Variants in PTDSS2 observed in about 807,000 individuals in gnomAD.
PTDSS2 encodes PSS-2.
In PTDSS2, 41 loss-of-function variants were observed where a neutral mutation model predicts 64.7. The ratio of observed to expected loss-of-function variants is 0.63; its 90% CI spans 0.49 to 0.82. PTDSS2 has a LOEUF of 0.82. Ranked by LOEUF, PTDSS2 falls within the 40% of genes least tolerant of loss-of-function variation. The pLI, the probability that PTDSS2 is intolerant of heterozygous loss-of-function variation, is 0.00. For synonymous variants in PTDSS2, 297 were observed against 277.8 expected (o/e 1.07, Z -0.69); for missense variants, 485 against 650.0 (o/e 0.75, Z 2.76).
At chr11:473,336 C>T (rs1048383929) in intron 2 of PTDSS2, among the ~76,000 whole-genome samples, 6 of 152,238 alleles carry the variant, frequency 3.9e-5, no homozygotes, top group Admixed American at 6.5e-5. Flanking sequence ...GACACAGGAG[C>T]TCTCTAGAGA....
chr11:454,698 G>A (rs529785934), intron 1 of PTDSS2, among the ~76,000 whole-genome samples: 11 of 152,136 alleles, frequency 7.2e-5, no homozygotes, highest in African/African-American at 2.2e-4. Context: ...CCAGCTGCTT[G>A]GGAGGCTGAG....
chr11:488,465 G>T (rs1417006240), intron 7 of PTDSS2, 64 bp from the exon 8 acceptor site: 1 of 1,448,020 alleles, frequency 6.9e-7, no homozygotes, highest in Non-Finnish European at 9.7e-7. Context: ...GTGCTCTTCC[G>T]GGGTCCTCCT....
chr11:452,224 C>G (rs1846364502), intron 1 of PTDSS2, among the ~76,000 whole-genome samples: 1 of 152,238 alleles, frequency 6.6e-6, no homozygotes, highest in African/African-American at 2.4e-5. Context: ...TTTGGCCGTT[C>G]AGCACATTGT....
Position 453,125 on chromosome 11 carries a change from G to A in PTDSS2, c.182+2488G>A, listed in dbSNP as rs78410433. 7.4e-3 allele frequency among the ~76,000 whole-genome samples: 1,130 copies of A among 152,278 alleles called. 11 individuals carry two copies. The highest frequency in any genetic ancestry group is 0.025 in the African/African-American group (1,049 of 41,554). On this transcript the variant is annotated intron_variant, in intron 1 of 11. Coordinates refer to ENST00000308020, the MANE Select transcript of PTDSS2 (RefSeq NM_030783.3). Reference sequence around the variant, plus strand: ...TCTCTGTGACTGCTTGTCAGCCATAGGGATAGGGCGTGCGGTTCGATTCAG... The same window carrying A: ...TCTCTGTGACTGCTTGTCAGCCATAAGGATAGGGCGTGCGGTTCGATTCAG...
chr11:451,918 C>T (rs781439770), intron 1 of PTDSS2, among the ~76,000 whole-genome samples: 1 of 152,118 alleles, frequency 6.6e-6, no homozygotes, highest in Non-Finnish European at 1.5e-5. Flanking sequence ...GCGGGGCCCT[C>T]GGGAGGGAGA....
chr11:478,406 A>G (rs1847913647), intron 3 of PTDSS2, among the ~76,000 whole-genome samples: 1 of 151,886 alleles, frequency 6.6e-6, no homozygotes, highest in Non-Finnish European at 1.5e-5. Flanking sequence ...TTGCAGTGCA[A>G]CAAGATTGCA....
intron 1 of PTDSS2, among the ~76,000 whole-genome samples, chr11:458,163 G>C (rs1039159130): frequency 7.3e-5 from 11 of 151,670 alleles, no homozygotes; most frequent in African/African-American, 2.4e-4. Flanking sequence ...ATTGTTTATT[G>C]AGCTGTATGA....
intron 1 of PTDSS2, among the ~76,000 whole-genome samples, chr11:456,105 C>T (rs1043156330): frequency 2.0e-5 from 3 of 151,916 alleles, no homozygotes; most frequent in Middle Eastern, 3.4e-3. Flanking sequence ...GTCATCACGT[C>T]GTTGGCTTTG....
Position 450,320 on chromosome 11 carries a change from T to C in PTDSS2, c.-136T>C. The C allele has an allele frequency of 2.8e-6, 2 of 706,782 alleles. No individual in the cohort carries two copies. The highest frequency in any genetic ancestry group is 3.7e-5 in the East Asian group (1 of 27,242). 43.8% of individuals were successfully genotyped at this position (706,782 alleles called of 1,614,324 possible). On this transcript the variant is annotated 5_prime_UTR_variant, in exon 1 of 12. Transcript: ENST00000308020. ...CCTTTACTGGCCGGCCCCGCGCTGC[T>C]CTCCTAAGACCCCGCGGGCCAGCGC...
In PTDSS2 at chr11:479,061, A is replaced by G; in HGVS notation, c.368-24A>G. 1 of 1,612,086 alleles carries G rather than the reference A, an allele frequency of 6.2e-7. No homozygotes were observed. Among genetic ancestry groups the G allele is most frequent in the Non-Finnish European group, 8.5e-7 (1 of 1,178,152 alleles). On this transcript the variant is annotated intron_variant, in intron 3 of 11. Coordinates refer to ENST00000308020, the MANE Select transcript of PTDSS2 (RefSeq NM_030783.3). The surrounding 1 kb of genome is among the most constrained non-coding windows in gnomAD (Gnocchi z 4.2). ...GTGGAGGCCTGGACCGGGCGCACTA[A>G]CGTTCTGTCGTCTGTCTTTGTAGCT... is the stretch of plus-strand genomic sequence containing the variant.
At chr11:451,438 C>T in intron 1 of PTDSS2, 1 of 442,282 alleles carries the variant, frequency 2.3e-6, no homozygotes, top group Middle Eastern at 3.3e-4. Context: ...AGGATCAAGC[C>T]GTCGACCTGA....
intron 2 of PTDSS2, among the ~76,000 whole-genome samples, chr11:469,704 C>T (rs1351154545): frequency 6.6e-6 from 1 of 152,120 alleles, no homozygotes; most frequent in African/African-American, 2.4e-5. Flanking sequence ...ACCAGCTATG[C>T]TTGCAGCAGT....
At chr11:472,871 C>T (rs933719493) in intron 2 of PTDSS2, among the ~76,000 whole-genome samples, 18 of 152,202 alleles carry the variant, frequency 1.2e-4, no homozygotes, top group Admixed American at 7.2e-4. Context: ...ACCCAGAGGC[C>T]GCCCAGCGTG....
chr11:456,044 G>T (rs915572171), intron 1 of PTDSS2, among the ~76,000 whole-genome samples: 17 of 152,320 alleles, frequency 1.1e-4, no homozygotes, highest in African/African-American at 3.8e-4. Flanking sequence ...ACGGCATGAA[G>T]GTGCCCTGGC....
rs543667710 is a variant in PTDSS2, at chr11:479,273, C to G, written c.435+121C>G. The G allele has an allele frequency of 3.9e-3, 3,526 of 893,800 alleles. 116 individuals are homozygous for G. In the South Asian group the frequency reaches 0.045, roughly 11 times the overall value. The allele number at this position is 893,800 out of a possible 1,614,324, so 55.4% of individuals were successfully genotyped here. The stretch of plus-strand genomic sequence containing the variant: ...GTGATGGGAGGAAGCAGGGCTAGAC[C>G]CCCACAAAGTAGGCCGAGCTGCGGG... On this transcript the variant is annotated intron_variant, in intron 4 of 11. Transcript: ENST00000308020. The surrounding 1 kb of genome is among the most constrained non-coding windows in gnomAD (Gnocchi z 4.2).
At chr11:450,775 G>A (rs919362534) in intron 1 of PTDSS2, 138 bp downstream of exon 1, 74 of 775,902 alleles carry the variant, frequency 9.5e-5, no homozygotes, top group Non-Finnish European at 1.2e-4. Flanking sequence ...TGAGGGTGTG[G>A]CAGCACCGCC....
At chr11:473,768 G>A in intron 2 of PTDSS2, 127 bp from the exon 3 acceptor site, 1 of 763,544 alleles carries the variant, frequency 1.3e-6, no homozygotes, top group Non-Finnish European at 2.3e-6. Context: ...TCTGCCCGAG[G>A]CCCCTTCCTC....
intron 2 of PTDSS2, among the ~76,000 whole-genome samples, chr11:469,920 A>G (rs537667239): frequency 1.3e-5 from 2 of 152,216 alleles, no homozygotes; most frequent in Non-Finnish European, 2.9e-5. Context: ...CAGTGGCCAA[A>G]GAGCAACAAA....
Position 460,518 on chromosome 11 carries a change from CTG to C in PTDSS2, c.284+234_284+235del, listed in dbSNP as rs1355032161. ...TCGCCTGTCACTGGGAGCCAGGAGT[CTG>C]TGTCATCTCCACGTGACCGGCAGCC... On this transcript the variant is annotated intron_variant, in intron 2 of 11. Coordinates refer to ENST00000308020, the MANE Select transcript of PTDSS2 (RefSeq NM_030783.3). This position sits in a 1 kb window ranked among gnomAD's most constrained non-coding sequence, Gnocchi z 5.8. 1.9e-6 allele frequency: 1 copy of C among 527,214 alleles called. No homozygotes were observed. The allele number at this position is 527,214 out of a possible 1,614,324, so 32.7% of individuals were successfully genotyped here.
Sources: allele counts gnomAD v4.1 joint callset (sites outside exome capture counted in the v4.1 genomes callset), GRCh38; gene constraint gnomAD v4.1.1; non-coding constraint Gnocchi (gnomAD v3.1); transcripts MANE v1.5; gene names NCBI Gene and HGNC (gene_info 2026-07-23, HGNC 2026-07-21).